The following PTPRD variants were observed in gnomAD, a reference collection of about 807,000 sequenced individuals.
The protein encoded by PTPRD is protein tyrosine phosphatase receptor type D, also known as receptor-type tyrosine-protein phosphatase delta.
Under a neutral mutation model 214.5 loss-of-function variants are expected in PTPRD, and 34 were observed. That is an observed-to-expected ratio of 0.16 (90% CI 0.12 to 0.21). The LOEUF (loss-of-function observed/expected upper bound fraction) is 0.21. Ranked by LOEUF, PTPRD falls within the 10% of genes least tolerant of loss-of-function variation. The pLI is 1.00. For synonymous variants in PTPRD, 1,128 were observed against 845.7 expected, an observed-to-expected ratio of 1.33 and a Z score of -5.79; for missense variants, 2,545 against 2,398.7, an observed-to-expected ratio of 1.06 and a Z score of -1.27.
chr9:8,824,402 G>C (rs897653917), intron 11 of PTPRD, among the ~76,000 whole-genome samples: 2 of 152,064 alleles, frequency 1.3e-5, no homozygotes, highest in African/African-American at 4.8e-5. Flanking sequence ...TAACTATGGG[G>C]GTCTCTTGCA....
chr9:9,588,929 C>A (rs1240464493), intron 7 of PTPRD, among the ~76,000 whole-genome samples: 1 of 151,866 alleles, frequency 6.6e-6, no homozygotes, highest in Non-Finnish European at 1.5e-5. Context: ...TGACTTAGAA[C>A]ATTTTAATAT....
chr9:9,382,459 G>T (rs903002171), intron 9 of PTPRD, among the ~76,000 whole-genome samples: 11 of 152,006 alleles, frequency 7.2e-5, no homozygotes, highest in African/African-American at 2.7e-4. Flanking sequence ...AAATATGTAA[G>T]AATCTCCTAC....
intron 14 of PTPRD, among the ~76,000 whole-genome samples, chr9:8,576,944 C>T (rs1252305270): frequency 6.6e-6 from 1 of 152,192 alleles, no homozygotes; most frequent in Non-Finnish European, 1.5e-5. Context: ...GCCATCTGGA[C>T]CTTTATCACC....
At chr9:8,978,061 C>G (rs189914639) in intron 11 of PTPRD, among the ~76,000 whole-genome samples, 1 of 152,066 alleles carries the variant, frequency 6.6e-6, no homozygotes, top group East Asian at 1.9e-4. Flanking sequence ...GAAAAGCATT[C>G]TAGGAGATGA....
intron 8 of PTPRD, among the ~76,000 whole-genome samples, chr9:9,505,985 C>T (rs2154236761): frequency 6.6e-6 from 1 of 151,306 alleles, no homozygotes; most frequent in South Asian, 2.1e-4. Flanking sequence ...AGTAGATAAT[C>T]TCATAATCTA....
chr9:8,646,183 A>G (rs16928238), intron 12 of PTPRD, among the ~76,000 whole-genome samples: 9 of 152,030 alleles, frequency 5.9e-5, no homozygotes, highest in African/African-American at 2.2e-4. Flanking sequence ...ACCAGGATTG[A>G]GAATTACTGA....
chr9:8,430,562 C>T (rs2094977146), intron 35 of PTPRD, among the ~76,000 whole-genome samples: 1 of 152,008 alleles, frequency 6.6e-6, no homozygotes, highest in Non-Finnish European at 1.5e-5. Flanking sequence ...CAGGTGTGAG[C>T]CACTGTGCCC....
intron 11 of PTPRD, among the ~76,000 whole-genome samples, chr9:9,013,563 T>C (rs2099520875): frequency 6.6e-6 from 1 of 152,166 alleles, no homozygotes; most frequent in Non-Finnish European, 1.5e-5. Flanking sequence ...CTCTTTCTCT[T>C]TCTTTCCGTG....
At chr9:8,689,705 C>A (rs1176576754) in intron 12 of PTPRD, among the ~76,000 whole-genome samples, 1 of 152,134 alleles carries the variant, frequency 6.6e-6, no homozygotes, top group East Asian at 1.9e-4. Flanking sequence ...GGGGACACAG[C>A]CAAACCATAT....
intron 12 of PTPRD, among the ~76,000 whole-genome samples, chr9:8,702,595 G>A (rs1466206193): frequency 6.6e-6 from 1 of 152,132 alleles, no homozygotes; most frequent in Non-Finnish European, 1.5e-5. Context: ...TTTAAGAAAA[G>A]CCACAATATA....
chr9:9,674,524 G>A (rs1009485671), intron 7 of PTPRD, among the ~76,000 whole-genome samples: 9 of 151,674 alleles, frequency 5.9e-5, no homozygotes, highest in Non-Finnish European at 1.2e-4. Context: ...GACAAGAAGT[G>A]TTTAGTTGAT....
chr9:8,760,140 A>C (rs569928484), intron 11 of PTPRD, among the ~76,000 whole-genome samples: 1 of 152,216 alleles, frequency 6.6e-6, no homozygotes. Flanking sequence ...CACATTGGCC[A>C]GGCTGTTCTC....
chr9:9,987,437 G>A (rs959380089), intron 4 of PTPRD, among the ~76,000 whole-genome samples: 5 of 152,180 alleles, frequency 3.3e-5, no homozygotes, highest in East Asian at 1.9e-4. Flanking sequence ...AGCAAGTCAC[G>A]TCTAACATGG....
intron 8 of PTPRD, among the ~76,000 whole-genome samples, chr9:9,427,446 G>T (rs1486490552): frequency 1.3e-5 from 2 of 152,122 alleles, no homozygotes; most frequent in Non-Finnish European, 2.9e-5. Flanking sequence ...ATTGGTGTAC[G>T]TAAAAGTGAC....
At chr9:8,700,057 A>G (rs1442697354) in intron 12 of PTPRD, among the ~76,000 whole-genome samples, 1 of 152,204 alleles carries the variant, frequency 6.6e-6, no homozygotes, top group Non-Finnish European at 1.5e-5. Flanking sequence ...CAGTGGTACA[A>G]CTGCCAGTAA....
chr9:10,538,691 T>C (rs1314341272), intron 2 of PTPRD, among the ~76,000 whole-genome samples: 2 of 152,158 alleles, frequency 1.3e-5, no homozygotes, highest in East Asian at 3.9e-4. Flanking sequence ...TTTCAAGTTG[T>C]TAATCCTGTT....
intron 11 of PTPRD, among the ~76,000 whole-genome samples, chr9:8,964,242 G>A (rs7024331): frequency 0.99 from 123,731 of 125,118 alleles, 61,202 homozygotes; most frequent in Middle Eastern, 1. Context: ...GGAACTTGAT[G>A]TTGGTCTGTT....
chr9:9,611,056 T>A (rs2094486486), intron 7 of PTPRD, among the ~76,000 whole-genome samples: 1 of 152,212 alleles, frequency 6.6e-6, no homozygotes, highest in African/African-American at 2.4e-5. Context: ...TTCTCTCTTT[T>A]AACATCATAT....
chr9:9,686,862 G>A (rs2097174796), intron 7 of PTPRD, among the ~76,000 whole-genome samples: 1 of 151,678 alleles, frequency 6.6e-6, no homozygotes, highest in African/African-American at 2.4e-5. Flanking sequence ...TGAACTTTGA[G>A]AGCAATGATT....
Sources: gnomAD v4.1 joint callset for allele counts (sites outside exome capture counted in the v4.1 genomes callset) on GRCh38, gnomAD v4.1.1 for gene constraint, MANE v1.5 for transcripts, NCBI Gene and HGNC (gene_info 2026-07-23, HGNC 2026-07-21) for gene names.